GNAL: variants seen among roughly 807,000 people sequenced by gnomAD.
GNAL encodes the protein G protein subunit alpha L.
Under a neutral mutation model 55.1 loss-of-function variants are expected in GNAL, and 18 were observed. The observed-to-expected ratio is 0.33, with a 90% CI of 0.23 to 0.48. The LOEUF (loss-of-function observed/expected upper bound fraction) is 0.48. Ranked by LOEUF, GNAL falls within the 20% of genes least tolerant of loss-of-function variation. The pLI is 0.99. For synonymous variants in GNAL, 253 were observed against 237.0 expected (o/e 1.07, Z -0.62); for missense variants, 412 against 614.1 (o/e 0.67, Z 3.48).
At chr18:11,815,892 C>A (rs190721399) in intron 4 of GNAL, among the ~76,000 whole-genome samples, 155 of 152,146 alleles carry the variant, frequency 1.0e-3, no homozygotes, top group African/African-American at 3.7e-3. Flanking sequence ...CAACGTAATT[C>A]ATCATTAGGG....
At position 11,885,645 on chromosome 18, in the gene GNAL, G is replaced by C. The variant is rs368111952; in HGVS notation, c.*4510G>C. On this transcript the variant is annotated 3_prime_UTR_variant, in exon 12 of 12. Coordinates refer to ENST00000334049, the MANE Select transcript of GNAL (RefSeq NM_182978.4). Reference sequence around the variant, plus strand: ...TGTGTTGATTTAAATACTTATGAAAGCTTTCAGACAAAAATAAACTTTCAC... The same window carrying C: ...TGTGTTGATTTAAATACTTATGAAACCTTTCAGACAAAAATAAACTTTCAC... 47 of 1,595,012 alleles carry C rather than the reference G, an allele frequency of 2.9e-5. No individual in the cohort carries two copies. In the African/African-American group the frequency reaches 5.5e-4, roughly 19 times the overall value.
intron 1 of GNAL, among the ~76,000 whole-genome samples, chr18:11,719,986 G>A (rs2032057879): frequency 6.6e-6 from 1 of 152,176 alleles, no homozygotes; most frequent in South Asian, 2.1e-4. Context: ...TCCACAGCAG[G>A]GCTCCTCAAC....
intron 4 of GNAL, among the ~76,000 whole-genome samples, chr18:11,793,577 G>A (rs1244826428): frequency 1.3e-5 from 2 of 151,746 alleles, no homozygotes; most frequent in Non-Finnish European, 2.9e-5. Context: ...GCAAGATCCT[G>A]TCTCTAAAAA....
Position 11,689,838 on chromosome 18 carries a change from G to A in GNAL, c.275G>A (p.Arg92His). 2 of 1,537,616 alleles carry A rather than the reference G, an allele frequency of 1.3e-6. No homozygotes were observed. The highest frequency in any genetic ancestry group is 1.4e-5 in the African/African-American group (1 of 70,580). ...SAEEREAAKEREAVKEARKVS... is the reference protein window; with the variant it reads ...SAEEREAAKEHEAVKEARKVS... ...GAGGAGCGCGAGGCGGCCAAGGAGC[G>A]CGAGGCGGTCAAGGAGGCGAGGAAA... The change falls in exon 1 of 12, where the codon CGC (arginine) becomes CAC (histidine). Residue 92 changes from arginine (R) to histidine (H), a missense_variant. Physicochemically the swap from Arg to His is conservative, Grantham distance 29. This residue lies in a region of GNAL where 228 missense variants were observed against 194.8 expected (regional missense o/e 1.17). Coordinates refer to ENST00000334049, the MANE Select transcript of GNAL (RefSeq NM_182978.4).
chr18:11,778,424 A>AG (rs2033841974), intron 4 of GNAL, among the ~76,000 whole-genome samples: 1 of 152,190 alleles, frequency 6.6e-6, no homozygotes, highest in Admixed American at 6.5e-5. Flanking sequence ...AGCATCCCCT[A>AG]GGTCCCTATT....
chr18:11,749,923 G>A (rs906321416), intron 1 of GNAL, among the ~76,000 whole-genome samples: 3 of 152,206 alleles, frequency 2.0e-5, no homozygotes, highest in African/African-American at 7.2e-5. Flanking sequence ...AACCCCACCA[G>A]AAGGACCAGG....
Position 11,752,626 on chromosome 18 carries a change from A to G in GNAL, c.377-227A>G. The G allele has an allele frequency of 2.6e-6, 4 of 1,514,728 alleles. No individual in the cohort carries two copies. Among genetic ancestry groups the G allele is most frequent in the Non-Finnish European group, 3.5e-6 (4 of 1,141,640 alleles). 93.8% of individuals were successfully genotyped at this position (1,514,728 alleles called of 1,614,324 possible). ...GGCTCCCGGCCCCAGCGGAGCGCACAGCCAGGAGCGGCGAGCGCCAGGCTG... is the reference window on the plus strand; with the variant it reads ...GGCTCCCGGCCCCAGCGGAGCGCACGGCCAGGAGCGGCGAGCGCCAGGCTG... On this transcript the variant is annotated intron_variant, in intron 1 of 11. Coordinates refer to ENST00000334049, the MANE Select transcript of GNAL (RefSeq NM_182978.4). This position sits in a 1 kb window ranked among gnomAD's most constrained non-coding sequence, Gnocchi z 4.5.
intron 9 of GNAL, among the ~76,000 whole-genome samples, chr18:11,869,875 C>T (rs1425556823): frequency 6.6e-6 from 1 of 152,010 alleles, no homozygotes; most frequent in Non-Finnish European, 1.5e-5. Context: ...CATCACTGCA[C>T]GTCAGTCTGG....
At chr18:11,717,099 G>T (rs2031986986) in intron 1 of GNAL, among the ~76,000 whole-genome samples, 1 of 152,252 alleles carries the variant, frequency 6.6e-6, no homozygotes, top group South Asian at 2.1e-4. Flanking sequence ...ACGCGGGAAG[G>T]CAGCTAAGGC....
chr18:11,767,310 C>A (rs1041020284), intron 4 of GNAL, among the ~76,000 whole-genome samples: 1 of 151,214 alleles, frequency 6.6e-6, no homozygotes, highest in African/African-American at 2.4e-5. Context: ...CTCTCTGTGC[C>A]TTTACACTTG....
At chr18:11,765,465 A>G (rs575076774) in intron 4 of GNAL, among the ~76,000 whole-genome samples, 3 of 152,224 alleles carry the variant, frequency 2.0e-5, no homozygotes, top group South Asian at 2.1e-4. Flanking sequence ...ACAATAAATT[A>G]TTAAGTTACA....
Position 11,872,267 on chromosome 18 carries a change from G to T in GNAL, c.1032-1G>T. 1 of 1,571,278 alleles carries T rather than the reference G, an allele frequency of 6.4e-7. No homozygotes were observed. Among genetic ancestry groups the T allele is most frequent in the South Asian group, 1.2e-5 (1 of 84,956 alleles). Reference sequence around the variant, plus strand: ...TTGTATGTTTATTTTTCCTTTTTTAGGTGGTTACGGACCATTTCTATCATC... The same window carrying T: ...TTGTATGTTTATTTTTCCTTTTTTATGTGGTTACGGACCATTTCTATCATC... On this transcript the variant is annotated splice_acceptor_variant, in intron 9 of 11. Transcript: ENST00000334049. LOFTEE classifies it high-confidence loss of function.
chr18:11,780,780 T>C (rs1308145168), intron 4 of GNAL, among the ~76,000 whole-genome samples: 1 of 152,200 alleles, frequency 6.6e-6, no homozygotes, highest in East Asian at 1.9e-4. Context: ...ACTCAGTAAA[T>C]GTGAATTATT....
At chr18:11,845,539 G>C (rs542938302) in intron 5 of GNAL, among the ~76,000 whole-genome samples, 2 of 152,126 alleles carry the variant, frequency 1.3e-5, no homozygotes, top group Non-Finnish European at 2.9e-5. Context: ...AATATTTCAC[G>C]TGTTTGGTTC....
chr18:11,879,400 G>A (rs1474889545), intron 11 of GNAL, among the ~76,000 whole-genome samples: 1 of 152,036 alleles, frequency 6.6e-6, no homozygotes, highest in East Asian at 1.9e-4. Flanking sequence ...GTCTGCCCGG[G>A]CTGCCATAAC....
chr18:11,809,562 G>A (rs767048313), intron 4 of GNAL, among the ~76,000 whole-genome samples: 16 of 152,170 alleles, frequency 1.1e-4, no homozygotes, highest in South Asian at 6.2e-4. Context: ...GCAAAACCCC[G>A]TCTCTACTAA....
intron 9 of GNAL, among the ~76,000 whole-genome samples, chr18:11,870,646 A>T (rs1440165706): frequency 6.6e-6 from 1 of 150,740 alleles, no homozygotes; most frequent in East Asian, 1.9e-4. Context: ...ATCATGTTTG[A>T]AACTACTAGC....
intron 1 of GNAL, among the ~76,000 whole-genome samples, chr18:11,741,708 G>T (rs919938956): frequency 6.6e-6 from 1 of 152,128 alleles, no homozygotes; most frequent in Non-Finnish European, 1.5e-5. Flanking sequence ...TGTCCCCCAG[G>T]CTCCATGTTG....
chr18:11,723,390 A>T (rs933531506), intron 1 of GNAL, among the ~76,000 whole-genome samples: 1 of 152,226 alleles, frequency 6.6e-6, no homozygotes, highest in Non-Finnish European at 1.5e-5. Context: ...CTTAGCTCAT[A>T]CAAAAACAGG....
Sources: gnomAD v4.1 joint callset for allele counts (sites outside exome capture counted in the v4.1 genomes callset) on GRCh38, gnomAD v4.1.1 for gene constraint, gnomAD v4.1.1 regional missense constraint, Gnocchi (gnomAD v3.1) non-coding constraint, MANE v1.5 for transcripts, NCBI Gene and HGNC (gene_info 2026-07-23, HGNC 2026-07-21) for gene names.